Variants in CAPN5 observed in about 807,000 individuals in gnomAD.
CAPN5 encodes the protein calpain-5.
Under a neutral mutation model 73.0 loss-of-function variants are expected in CAPN5, and 54 were observed. The observed-to-expected ratio is 0.74, with a 90% CI of 0.59 to 0.93. CAPN5 has a LOEUF of 0.93. CAPN5 is among the 40% of genes least tolerant of loss of function. The probability of loss-of-function intolerance (pLI) is 0.00; values close to 1 mark genes in which losing one functional copy is unlikely to be tolerated. For missense variants in CAPN5, 785 were observed against 882.9 expected (o/e 0.89, Z 1.41); for synonymous variants, 335 against 356.9 (o/e 0.94, Z 0.69).
chr11:77,073,127 G>C (rs1555033378), intron 1 of CAPN5: 1 of 1,289,400 alleles, frequency 7.8e-7, no homozygotes, highest in Admixed American at 2.3e-5. Context: ...TGCTGGACTG[G>C]GAGCCCCGAG....
chr11:77,106,212 C>T (rs1218842482), intron 3 of CAPN5, among the ~76,000 whole-genome samples: 2 of 152,106 alleles, frequency 1.3e-5, no homozygotes, highest in Non-Finnish European at 2.9e-5. Context: ...CCTGGTTTCC[C>T]TTTCACACAC....
chr11:77,121,639 TGCAGG>T (rs1950521248), intron 10 of CAPN5, among the ~76,000 whole-genome samples: 1 of 152,244 alleles, frequency 6.6e-6, no homozygotes, highest in African/African-American at 2.4e-5. Context: ...TGCGGGGCTT[TGCAGG>T]GATTAGGAAT....
At chr11:77,077,842 A>C (rs1380691273) in intron 1 of CAPN5, among the ~76,000 whole-genome samples, 1 of 152,120 alleles carries the variant, frequency 6.6e-6, no homozygotes, top group Non-Finnish European at 1.5e-5. Context: ...TCATATGCCT[A>C]TTGACCATTT....
intron 3 of CAPN5, among the ~76,000 whole-genome samples, chr11:77,098,381 C>G (rs1244501571): frequency 1.4e-4 from 16 of 115,034 alleles, no homozygotes; most frequent in African/African-American, 5.2e-4. Context: ...GGGGGCTGAC[C>G]CCCCCACCTC....
At chr11:77,110,263 T>C (rs2135471286) in intron 3 of CAPN5, among the ~76,000 whole-genome samples, 2 of 152,192 alleles carry the variant, frequency 1.3e-5, no homozygotes, top group East Asian at 3.9e-4. Context: ...AATTTTTGTA[T>C]TCTTTTTTAG....
chr11:77,089,888 AAAAC>A (rs1276762180), intron 2 of CAPN5, among the ~76,000 whole-genome samples: 4 of 152,108 alleles, frequency 2.6e-5, no homozygotes, highest in Admixed American at 6.5e-5. Flanking sequence ...AAAACAAACA[AAAAC>A]AAACAAACAA....
At position 77,098,304 on chromosome 11, in the gene CAPN5, G is replaced by C. The variant is rs1442192358; in HGVS notation, c.297+4491G>C. On this transcript the variant is annotated intron_variant, in intron 3 of 12. Coordinates refer to ENST00000648180, the MANE Select transcript of CAPN5 (RefSeq NM_004055.5). ...TGACCCCCCCACCTCCCTCCCGGAC[G>C]GGGCAGCTGGCCGGGCGGGGGGCTG... Among the ~76,000 whole-genome samples, 70 of 97,664 alleles carry C rather than the reference G, an allele frequency of 7.2e-4. 1 individual carries two copies. The highest frequency in any genetic ancestry group is 2.7e-3 in the African/African-American group (68 of 24,888). 64.1% of individuals were successfully genotyped at this position (97,664 alleles called of 152,430 possible). A position where few individuals can be genotyped will look rare whatever the true frequency, so the allele number is the denominator to read the frequency against.
At chr11:77,069,822 G>A (rs1265257074) in intron 1 of CAPN5, among the ~76,000 whole-genome samples, 1 of 152,094 alleles carries the variant, frequency 6.6e-6, no homozygotes, top group African/African-American at 2.4e-5. Flanking sequence ...CCTGGTCCCC[G>A]CTCAAAACTT....
chr11:77,093,843 C>T, intron 3 of CAPN5, 30 bp downstream of exon 3: 2 of 1,602,208 alleles, frequency 1.2e-6, no homozygotes, highest in South Asian at 1.1e-5. Flanking sequence ...GGGCAGGGTG[C>T]TGGGGAGTGT....
Position 77,112,697 on chromosome 11 carries a change from A to G in CAPN5, c.406A>G (p.Ile136Val), listed in dbSNP as rs1326230441. The G allele has an allele frequency of 1.2e-6, 2 of 1,614,132 alleles. No individual in the cohort carries two copies. Among genetic ancestry groups the G allele is most frequent in the Non-Finnish European group, 1.7e-6 (2 of 1,180,052 alleles). The change falls in exon 4 of 13, where the codon ATC becomes GTC. Residue 136 changes from isoleucine to valine, a missense_variant. Transcript: ENST00000648180. ...CTTCGGGGAATGGGTGGACGTGGTC[A>G]TCGATGACCGGCTGCCCACAGTCAA... ...WRFGEWVDVVIDDRLPTVNNQ... is the reference protein window; with the variant it reads ...WRFGEWVDVVVDDRLPTVNNQ...
At position 77,079,783 on chromosome 11, in the gene CAPN5, T is replaced by TTGTGTGTGTG. The variant is rs147108363; in HGVS notation, c.-35-5047_-35-5038dup. On this transcript the variant is annotated intron_variant, in intron 1 of 12. Transcript: ENST00000648180. ...TAATGCATAAGAGCTCTACTTGAGA[T>TTGTGTGTGTG]TGTGTGTGTGTGTGTGTGTGTGTGT... 4.9e-3 allele frequency among the ~76,000 whole-genome samples: 727 copies of TTGTGTGTGTG among 148,230 alleles called. 3 individuals carry two copies. Among genetic ancestry groups the TTGTGTGTGTG allele is most frequent in the African/African-American group, 6.0e-3 (243 of 40,336 alleles).
chr11:77,103,464 A>C, intron 3 of CAPN5: 2 of 1,063,100 alleles, frequency 1.9e-6, no homozygotes, highest in East Asian at 2.4e-5. Context: ...AGGCCCCCTG[A>C]GTCCCACACC....
intron 12 of CAPN5, among the ~76,000 whole-genome samples, chr11:77,122,936 C>G (rs540981016): frequency 6.6e-6 from 1 of 152,330 alleles, no homozygotes; most frequent in South Asian, 2.1e-4. Flanking sequence ...TCCTGAGACC[C>G]AGCAGGGTCC....
At chr11:77,097,185 G>A (rs1435298960) in intron 3 of CAPN5, among the ~76,000 whole-genome samples, 6 of 151,980 alleles carry the variant, frequency 3.9e-5, no homozygotes, top group Non-Finnish European at 7.4e-5. Context: ...TCATGCCACT[G>A]CACTCCAGCC....
At chr11:77,107,902 CAT>C (rs1196638364) in intron 3 of CAPN5, among the ~76,000 whole-genome samples, 1 of 152,210 alleles carries the variant, frequency 6.6e-6, no homozygotes, top group African/African-American at 2.4e-5. Flanking sequence ...TGAAGGCACA[CAT>C]GTGTACACCA....
chr11:77,108,765 T>C (rs1440666894), intron 3 of CAPN5, among the ~76,000 whole-genome samples: 1 of 152,076 alleles, frequency 6.6e-6, no homozygotes, highest in Non-Finnish European at 1.5e-5. Flanking sequence ...TACCAACTTA[T>C]AAAATAATCT....
At chr11:77,075,159 C>T (rs1949955847) in intron 1 of CAPN5, among the ~76,000 whole-genome samples, 1 of 152,172 alleles carries the variant, frequency 6.6e-6, no homozygotes. Context: ...GGGCCTCTGG[C>T]GGGATCCTCT....
chr11:77,093,597 ACGTCTGTGTCTGTC>A, intron 2 of CAPN5, 71 bp from the exon 3 acceptor site: 1 of 774,868 alleles, frequency 1.3e-6, no homozygotes, highest in Non-Finnish European at 1.8e-6. Context: ...TGTGTCTGTC[ACGTCTGTGTCTGTC>A]ATGTCTCCTG....
At chr11:77,084,360 G>A (rs972433115) in intron 1 of CAPN5, among the ~76,000 whole-genome samples, 4 of 152,212 alleles carry the variant, frequency 2.6e-5, no homozygotes, top group Admixed American at 6.5e-5. Flanking sequence ...GGGGAGGACC[G>A]GAGAGAATGA....
Sources: gnomAD v4.1 joint callset for allele counts (sites outside exome capture counted in the v4.1 genomes callset) on GRCh38, gnomAD v4.1.1 for gene constraint, MANE v1.5 for transcripts, NCBI Gene and HGNC (gene_info 2026-07-23, HGNC 2026-07-21) for gene names.